The following GALNT3 variants were observed in gnomAD, a reference collection of about 807,000 sequenced individuals.
The protein encoded by GALNT3 is polypeptide N-acetylgalactosaminyltransferase 3, also known as GalNAc transferase 3.
In GALNT3, 51 loss-of-function variants were observed where a neutral mutation model predicts 69.8. The observed-to-expected ratio is 0.73, with a 90% CI of 0.58 to 0.92. GALNT3 has a LOEUF of 0.92. Ranked by LOEUF, GALNT3 falls within the 40% of genes least tolerant of loss-of-function variation. The pLI is 0.00. For synonymous variants in GALNT3, 265 were observed against 248.5 expected (o/e 1.07, Z -0.63); for missense variants, 711 against 760.0 (o/e 0.94, Z 0.76).
chr2:165,780,738 A>G (rs1405407513), intron 1 of GALNT3, among the ~76,000 whole-genome samples: 1 of 152,092 alleles, frequency 6.6e-6, no homozygotes, highest in Non-Finnish European at 1.5e-5. Flanking sequence ...GAGTTGAAAG[A>G]GACAAGGCAA....
At chr2:165,764,796 G>T in intron 3 of GALNT3, 88 bp downstream of exon 3, 1 of 1,279,948 alleles carries the variant, frequency 7.8e-7, no homozygotes, top group Non-Finnish European at 1.1e-6. Context: ...CTCTGAGATG[G>T]CATACAGAGA....
At position 165,759,495 on chromosome 2, in the gene GALNT3, T is replaced by C. The variant is rs1224121220; in HGVS notation, c.914A>G (p.Asp305Gly). Reference sequence around the variant, plus strand: ...CGTGTTCAGATCTATGGATGCAATATCTGGACTTACGACAGCCGTGTAGTT... The same window carrying C: ...CGTGTTCAGATCTATGGATGCAATACCTGGACTTACGACAGCCGTGTAGTT... Reference protein sequence around the residue: ...AENYTAVVSPDIASIDLNTFE... With the variant: ...AENYTAVVSPGIASIDLNTFE... The change falls in exon 5 of 11, where the codon GAT becomes GGT. Residue 305 changes from aspartate to glycine, a missense_variant. Physicochemically the swap from Asp to Gly is moderately conservative, Grantham distance 94. Coordinates refer to ENST00000392701, the MANE Select transcript of GALNT3 (RefSeq NM_004482.4). 3.7e-6 allele frequency: 6 copies of C among 1,613,952 alleles called. No individual in the cohort carries two copies. The highest frequency in any genetic ancestry group is 5.1e-6 in the Non-Finnish European group (6 of 1,180,010).
At chr2:165,770,145 C>G in intron 2 of GALNT3, 41 bp downstream of exon 2, 1 of 1,612,720 alleles carries the variant, frequency 6.2e-7, no homozygotes, top group East Asian at 2.2e-5. Context: ...CCCTGCAAAG[C>G]CTGGTGATAA....
At chr2:165,782,804 G>C (rs1368110644) in intron 1 of GALNT3, among the ~76,000 whole-genome samples, 1 of 152,188 alleles carries the variant, frequency 6.6e-6, no homozygotes, top group African/African-American at 2.4e-5. Context: ...GAAAAGCTCT[G>C]GGAGTGTGAA....
At chr2:165,784,352 G>C (rs533931354) in intron 1 of GALNT3, among the ~76,000 whole-genome samples, 42 of 152,198 alleles carry the variant, frequency 2.8e-4, no homozygotes, top group Non-Finnish European at 5.3e-4. Context: ...TTTTTGGGGA[G>C]GTAGAAAAAC....
intron 10 of GALNT3, among the ~76,000 whole-genome samples, chr2:165,749,410 C>T (rs926603699): frequency 6.6e-6 from 1 of 151,956 alleles, no homozygotes; most frequent in South Asian, 2.1e-4. Context: ...AATTTTTCTT[C>T]TCTCTGACAG....
intron 9 of GALNT3, among the ~76,000 whole-genome samples, chr2:165,753,251 C>T (rs1688384514): frequency 6.6e-6 from 1 of 152,084 alleles, no homozygotes; most frequent in Non-Finnish European, 1.5e-5. Context: ...TTAATTATTG[C>T]AAAAATCCTC....
At chr2:165,762,173 T>TAATCTTAACA in intron 3 of GALNT3, 119 bp from the exon 4 acceptor site, 1 of 789,656 alleles carries the variant, frequency 1.3e-6, no homozygotes, top group East Asian at 2.6e-5. Flanking sequence ...AACAGTTGCA[T>TAATCTTAACA]GTGTCCTTCC....
chr2:165,755,918 G>GTAAC (rs914405208), intron 7 of GALNT3, among the ~76,000 whole-genome samples: 8 of 152,180 alleles, frequency 5.3e-5, no homozygotes, highest in African/African-American at 1.7e-4. Context: ...GTGTCCTGTG[G>GTAAC]TAACCAACAG....
intron 3 of GALNT3, among the ~76,000 whole-genome samples, chr2:165,763,898 C>A (rs1266742154): frequency 6.6e-6 from 1 of 152,062 alleles, no homozygotes; most frequent in Non-Finnish European, 1.5e-5. Flanking sequence ...GGAATTTTAC[C>A]TTTTCTGCGC....
intron 10 of GALNT3, among the ~76,000 whole-genome samples, 195 bp from the exon 11 acceptor site, chr2:165,749,098 T>C (rs1316477435): frequency 6.6e-6 from 1 of 152,100 alleles, no homozygotes; most frequent in African/African-American, 2.4e-5. Context: ...TAGTAAGATA[T>C]TACATAATGA....
intron 5 of GALNT3, among the ~76,000 whole-genome samples, chr2:165,759,098 C>T (rs761652783): frequency 2.6e-5 from 4 of 152,094 alleles, no homozygotes; most frequent in Non-Finnish European, 5.9e-5. Context: ...CCATGCTTTA[C>T]GATTTTTAAG....
chr2:165,766,538 A>C (rs1488473003), intron 2 of GALNT3, among the ~76,000 whole-genome samples: 2 of 149,824 alleles, frequency 1.3e-5, no homozygotes, highest in Admixed American at 1.3e-4. Flanking sequence ...GTGAGGATTA[A>C]ATGAAAGAAC....
chr2:165,754,577 T>C (rs1441744559), intron 9 of GALNT3, 50 bp downstream of exon 9: 1 of 1,321,072 alleles, frequency 7.6e-7, no homozygotes, highest in East Asian at 2.3e-5. Flanking sequence ...AACATCTCAC[T>C]TGTGCTTGTA....
intron 1 of GALNT3, among the ~76,000 whole-genome samples, chr2:165,775,624 C>T (rs986271213): frequency 6.6e-6 from 1 of 152,202 alleles, no homozygotes; most frequent in Non-Finnish European, 1.5e-5. Flanking sequence ...CACTAAGCAT[C>T]TCCATCAGCT....
At position 165,748,694 on chromosome 2, in the gene GALNT3, G is replaced by T; in HGVS notation, c.*87C>A. 8.0e-7 allele frequency: 1 copy of T among 1,246,380 alleles called. No homozygotes were observed. The highest frequency in any genetic ancestry group is 1.1e-6 in the Non-Finnish European group (1 of 879,790). 77.2% of individuals were successfully genotyped at this position (1,246,380 alleles called of 1,614,324 possible). ...GAATAAGTTACATTTAGCTGCTTTT[G>T]CATAATTTTCAAAAACTACAGTGTA... On this transcript the variant is annotated 3_prime_UTR_variant, in exon 11 of 11. Coordinates refer to ENST00000392701, the MANE Select transcript of GALNT3 (RefSeq NM_004482.4).
In GALNT3 at chr2:165,762,044, A is replaced by G. The variant is rs1688560298; in HGVS notation, c.699T>C (p.His233=). ...VDDASVDEYL[H]DKLDEYVKQF... is the part of the protein sequence containing the mutation. ...GTTTTACATATTCATCTAGTTTATC[A>G]TGTAAGTACTCTGTAAGGAAAAAAA... Residue 233 remains histidine, a synonymous_variant, in exon 4 of 11, where the codon CAT becomes CAC. Coordinates refer to ENST00000392701, the MANE Select transcript of GALNT3 (RefSeq NM_004482.4). 1 of 1,555,008 alleles carries G rather than the reference A, an allele frequency of 6.4e-7. No homozygotes were observed. Among genetic ancestry groups the G allele is most frequent in the Non-Finnish European group, 8.9e-7 (1 of 1,126,836 alleles).
chr2:165,759,195 G>A, intron 5 of GALNT3, 141 bp downstream of exon 5: 3 of 739,580 alleles, frequency 4.1e-6, no homozygotes, highest in South Asian at 3.3e-5. Flanking sequence ...ACAAATGAAT[G>A]ACTTTTAGAT....
chr2:165,782,608 C>A (rs1381342876), intron 1 of GALNT3, among the ~76,000 whole-genome samples: 1 of 152,058 alleles, frequency 6.6e-6, no homozygotes, highest in Non-Finnish European at 1.5e-5. Context: ...ATCTGCTGAC[C>A]CCCTGGACCC....
Sources: allele counts gnomAD v4.1 joint callset (sites outside exome capture counted in the v4.1 genomes callset), GRCh38; gene constraint gnomAD v4.1.1; transcripts MANE v1.5; gene names NCBI Gene and HGNC (gene_info 2026-07-23, HGNC 2026-07-21).